THOC5: variants seen among roughly 807,000 people sequenced by gnomAD.
The protein encoded by THOC5 is Fms-interacting protein.
In THOC5, 43 loss-of-function variants were observed where a neutral mutation model predicts 92.9. The observed-to-expected ratio is 0.46, with a 90% confidence interval of 0.36 to 0.60. The LOEUF (loss-of-function observed/expected upper bound fraction) is 0.60. THOC5 is among the 20% of genes least tolerant of loss of function. The pLI, the probability that THOC5 is intolerant of heterozygous loss-of-function variation, is 0.00. For missense variants in THOC5, 659 were observed against 849.4 expected, an observed-to-expected ratio of 0.78 and a Z score of 2.79; for synonymous variants, 296 against 320.1, an observed-to-expected ratio of 0.92 and a Z score of 0.80.
intron 5 of THOC5, among the ~76,000 whole-genome samples, chr22:29,541,506 CAAAAAAAAAAA>C (rs34069596): frequency 5.6e-5 from 5 of 88,860 alleles, no homozygotes; most frequent in African/African-American, 2.4e-4. Flanking sequence ...GACCCTGTCT[CAAAAAAAAAAA>C]AAAAAAAAGA....
At chr22:29,539,714 C>T (rs544075665) in intron 5 of THOC5, among the ~76,000 whole-genome samples, 18 of 152,236 alleles carry the variant, frequency 1.2e-4, no homozygotes, top group African/African-American at 3.9e-4. Context: ...ATTAAAGACT[C>T]GGAAGGGATT....
At chr22:29,524,069 C>G (rs966337214) in intron 12 of THOC5, among the ~76,000 whole-genome samples, 4 of 152,188 alleles carry the variant, frequency 2.6e-5, no homozygotes, top group Non-Finnish European at 4.4e-5. Context: ...ATGAGCTAGA[C>G]AACACCTGAA....
intron 15 of THOC5, 142 bp downstream of exon 15, chr22:29,518,864 T>G: frequency 1.5e-6 from 1 of 678,696 alleles, no homozygotes; most frequent in Non-Finnish European, 2.6e-6. Context: ...CCAGTGGCTC[T>G]GCCAAGATGC....
intron 5 of THOC5, among the ~76,000 whole-genome samples, chr22:29,541,694 T>C (rs1174677605): frequency 6.7e-6 from 1 of 149,304 alleles, no homozygotes; most frequent in African/African-American, 2.5e-5. Context: ...ACCCTGTCTC[T>C]ACTAAAAACA....
At chr22:29,541,873 A>T (rs796367870) in intron 5 of THOC5, among the ~76,000 whole-genome samples, 4,848 of 61,380 alleles carry the variant, frequency 0.079, 303 homozygotes, top group South Asian at 0.13. Flanking sequence ...AAAAAAAAAA[A>T]AAAAAAAAAA....
At position 29,505,880 on chromosome 22, in the gene THOC5, CAAGACGG is replaced by C. The variant is rs1225859438; in HGVS notation, c.*2570_*2576del. The C allele has an allele frequency of 9.4e-5, 14 of 149,050 alleles. No homozygotes were observed. Among genetic ancestry groups the C allele is most frequent in the Admixed American group, 6.0e-4 (9 of 14,962 alleles). 9.2% of individuals were successfully genotyped at this position (149,050 alleles called of 1,614,324 possible). ...ATTTCTACATCTTTTTTTTTTTTTC[CAAGACGG>C]AGTCTTGCTCTGTTGTCCAGATGGT... On this transcript the variant is annotated 3_prime_UTR_variant, in exon 20 of 20. Transcript: ENST00000490103.
chr22:29,552,128 C>G (rs1364640057), intron 1 of THOC5, among the ~76,000 whole-genome samples: 2 of 152,136 alleles, frequency 1.3e-5, no homozygotes, highest in Non-Finnish European at 2.9e-5. Context: ...GTGATCTCGG[C>G]TCGCTACAAC....
intron 11 of THOC5, among the ~76,000 whole-genome samples, chr22:29,526,273 C>T (rs1423886433): frequency 6.6e-6 from 1 of 152,122 alleles, no homozygotes; most frequent in Non-Finnish European, 1.5e-5. Flanking sequence ...TGGCTCACAC[C>T]TGTAATCCCA....
At chr22:29,541,769 G>A (rs1415853613) in intron 5 of THOC5, among the ~76,000 whole-genome samples, 2 of 145,586 alleles carry the variant, frequency 1.4e-5, no homozygotes, top group Non-Finnish European at 3.0e-5. Flanking sequence ...GCTGAGGCAG[G>A]AGAATGGCGT....
intron 1 of THOC5, among the ~76,000 whole-genome samples, chr22:29,552,357 C>T (rs1304172772): frequency 6.6e-6 from 1 of 151,554 alleles, no homozygotes; most frequent in African/African-American, 2.4e-5. Context: ...TCTGCCCGGC[C>T]GCCCATCATC....
At chr22:29,516,880 G>A (rs967329333) in intron 17 of THOC5, 149 bp downstream of exon 17, 1 of 689,420 alleles carries the variant, frequency 1.5e-6, no homozygotes, top group Non-Finnish European at 2.6e-6. Flanking sequence ...GTTGCAGAAT[G>A]AGTCCTTGCT....
At chr22:29,535,449 C>T (rs2063742263) in intron 7 of THOC5, 1 of 151,964 alleles carries the variant, frequency 6.6e-6, no homozygotes, top group African/African-American at 2.4e-5. Flanking sequence ...CGCATATACC[C>T]AACTCCTACT....
chr22:29,550,372 T>C (rs1193795089), intron 1 of THOC5, among the ~76,000 whole-genome samples: 10 of 151,560 alleles, frequency 6.6e-5, no homozygotes, highest in Admixed American at 4.0e-4. Flanking sequence ...TGCCATTGAC[T>C]CCCAGGTTGA....
At chr22:29,547,526 C>T (rs2064048520) in intron 2 of THOC5, among the ~76,000 whole-genome samples, 1 of 152,110 alleles carries the variant, frequency 6.6e-6, no homozygotes, top group African/African-American at 2.4e-5. Context: ...CCACGCCTGG[C>T]TAATTTGTTC....
chr22:29,544,596 T>C lies in THOC5; in HGVS notation c.104A>G (p.Lys35Arg), dbSNP rs940880646. 2 of 1,610,094 alleles carry C rather than the reference T, an allele frequency of 1.2e-6. No homozygotes were observed. Among genetic ancestry groups the C allele is most frequent in the African/African-American group, 1.3e-5 (1 of 74,768 alleles). The stretch of plus-strand genomic sequence containing the variant: ...CACCTCGGCCTCCTCACTGTAGTAT[T>C]TACCTTCCTGTAGAGGTAAGGATAA... ...RNRSDTEQEG[K>R]YYSEEAEVDL... The change falls in exon 3 of 20, where the codon AAA (lysine) becomes AGA (arginine). Residue 35 changes from lysine to arginine, a missense_variant. Lys to Arg is a conservative substitution (Grantham distance 26). Coordinates refer to ENST00000490103, the MANE Select transcript of THOC5 (RefSeq NM_003678.5).
At chr22:29,543,277 G>A (rs773604651) in intron 4 of THOC5, 152 bp downstream of exon 4, 108 of 602,368 alleles carry the variant, frequency 1.8e-4, no homozygotes, top group Non-Finnish European at 2.8e-4. Context: ...GAAGCTGGGA[G>A]GCAGAGGATG....
At chr22:29,519,934 T>G in intron 14 of THOC5, 74 bp downstream of exon 14, 1 of 1,300,378 alleles carries the variant, frequency 7.7e-7, no homozygotes, top group South Asian at 1.3e-5. Context: ...GCACCTGGCC[T>G]GGCCTTTCTA....
intron 12 of THOC5, among the ~76,000 whole-genome samples, chr22:29,522,440 A>T (rs1391348965): frequency 6.6e-6 from 1 of 152,082 alleles, no homozygotes; most frequent in Non-Finnish European, 1.5e-5. Context: ...ACTATTACTA[A>T]TAGATTGATT....
chr22:29,540,460 A>G (rs1446344051), intron 5 of THOC5, among the ~76,000 whole-genome samples: 1 of 152,134 alleles, frequency 6.6e-6, no homozygotes, highest in Non-Finnish European at 1.5e-5. Context: ...ACTGAGATGG[A>G]GGCTTCTATC....
Sources: allele counts gnomAD v4.1 joint callset (sites outside exome capture counted in the v4.1 genomes callset), GRCh38; gene constraint gnomAD v4.1.1; transcripts MANE v1.5; gene names NCBI Gene and HGNC (gene_info 2026-07-23, HGNC 2026-07-21).